Variants in ADGRL2 observed in about 807,000 individuals in gnomAD.
ADGRL2 encodes the protein adhesion G protein-coupled receptor L2.
In ADGRL2, 44 loss-of-function variants were observed where a neutral mutation model predicts 157.4. The observed-to-expected ratio is 0.28, with a 90% CI of 0.22 to 0.36. The LOEUF (loss-of-function observed/expected upper bound fraction) is 0.36. Among genes scored for constraint, ADGRL2 ranks in the 10% least tolerant of loss-of-function variants. The pLI, the probability that ADGRL2 is intolerant of heterozygous loss-of-function variation, is 1.00. For missense variants in ADGRL2, 1,510 were observed against 1,768.9 expected, an observed-to-expected ratio of 0.85 and a Z score of 2.63; for synonymous variants, 585 against 624.7, an observed-to-expected ratio of 0.94 and a Z score of 0.95.
chr1:81,599,773 G>A (rs1276769565), intron 3 of ADGRL2, among the ~76,000 whole-genome samples: 2 of 152,154 alleles, frequency 1.3e-5, no homozygotes, highest in African/African-American at 4.8e-5. Flanking sequence ...GGCTCATTAA[G>A]CTTAAGTGAT....
chr1:81,875,576 C>A (rs2093817466), intron 2 of ADGRL2, among the ~76,000 whole-genome samples: 2 of 152,088 alleles, frequency 1.3e-5, no homozygotes, highest in Non-Finnish European at 2.9e-5. Flanking sequence ...TGACCAGATT[C>A]TTGATGTACT....
intron 2 of ADGRL2, among the ~76,000 whole-genome samples, chr1:81,896,576 T>C (rs1346453390): frequency 6.6e-6 from 1 of 152,110 alleles, no homozygotes; most frequent in Non-Finnish European, 1.5e-5. Context: ...CTTTAATATA[T>C]ATATAAAAGT....
At chr1:81,658,403 T>C (rs1399283742) in intron 3 of ADGRL2, among the ~76,000 whole-genome samples, 2 of 152,176 alleles carry the variant, frequency 1.3e-5, no homozygotes, top group African/African-American at 2.4e-5. Flanking sequence ...CCACATTGTC[T>C]CTTTTTAAAA....
intron 2 of ADGRL2, among the ~76,000 whole-genome samples, chr1:81,507,306 T>C (rs770580859): frequency 1.3e-5 from 2 of 152,064 alleles, no homozygotes; most frequent in Non-Finnish European, 2.9e-5. Context: ...TTAATATTGA[T>C]AGAAAGTTCT....
intron 2 of ADGRL2, among the ~76,000 whole-genome samples, chr1:81,885,319 A>T (rs573078761): frequency 6.6e-6 from 1 of 152,274 alleles, no homozygotes; most frequent in East Asian, 1.9e-4. Context: ...CTATTTTCAG[A>T]GGAATTTAAA....
At chr1:81,627,944 C>A (rs1440606770) in intron 3 of ADGRL2, among the ~76,000 whole-genome samples, 1 of 152,198 alleles carries the variant, frequency 6.6e-6, no homozygotes, top group African/African-American at 2.4e-5. Context: ...GAATCACCAT[C>A]AGCGGTTTGT....
chr1:81,949,128 T>C (rs1345936196), intron 6 of ADGRL2, among the ~76,000 whole-genome samples: 1 of 152,196 alleles, frequency 6.6e-6, no homozygotes, highest in Non-Finnish European at 1.5e-5. Context: ...TTTCATTTGC[T>C]CTACTACAAC....
chr1:81,370,308 T>C (rs1570749988), intron 1 of ADGRL2, among the ~76,000 whole-genome samples: 1 of 152,206 alleles, frequency 6.6e-6, no homozygotes, highest in African/African-American at 2.4e-5. Flanking sequence ...TATAAAACTT[T>C]ATGAAATTCA....
intron 16 of ADGRL2, among the ~76,000 whole-genome samples, chr1:81,971,614 A>G (rs1658772524): frequency 6.6e-6 from 1 of 152,194 alleles, no homozygotes; most frequent in South Asian, 2.1e-4. Context: ...TCCCCATACA[A>G]GCACGATTTT....
Position 81,836,542 on chromosome 1 carries a change from A to G in ADGRL2, c.-100-343A>G, listed in dbSNP as rs116877858. 4.4e-4 allele frequency among the ~76,000 whole-genome samples: 67 copies of G among 152,232 alleles called. No individual in the cohort carries two copies. In the East Asian group the frequency reaches 0.012, roughly 28 times the overall value. ...AGTTTTTGTACACTCTGCAGTTTGG[A>G]GAACTGGATCCATAGGGGCTATGAA... On this transcript the variant is annotated intron_variant, in intron 1 of 23. Coordinates refer to ENST00000686636, the MANE Select transcript of ADGRL2 (RefSeq NM_001366006.2).
At chr1:81,501,590 G>A (rs1049902242) in intron 2 of ADGRL2, among the ~76,000 whole-genome samples, 4 of 152,206 alleles carry the variant, frequency 2.6e-5, no homozygotes, top group Non-Finnish European at 4.4e-5. Context: ...CTGAGGCCCC[G>A]GCTGTGGCCC....
At chr1:81,747,658 CAT>C (rs1304463593) in intron 1 of ADGRL2, among the ~76,000 whole-genome samples, 2 of 151,494 alleles carry the variant, frequency 1.3e-5, no homozygotes, top group East Asian at 3.9e-4. Flanking sequence ...ATGTATTCAA[CAT>C]AGTCCTTTAT....
Position 81,968,079 on chromosome 1 carries a change from T to C in ADGRL2, c.2403T>C (p.Thr801=). The C allele has an allele frequency of 6.2e-7, 1 of 1,613,976 alleles. No individual in the cohort carries two copies. Among genetic ancestry groups the C allele is most frequent in the Non-Finnish European group, 8.5e-7 (1 of 1,179,842 alleles). The part of the protein sequence containing the change: ...NCSFWNYSER[T]MMGYWSTQGC... ...CCTTCTGGAACTACTCAGAGAGAACTATGATGGGATATTGGTCTACCCAGG... is the reference window on the plus strand; with the variant it reads ...CCTTCTGGAACTACTCAGAGAGAACCATGATGGGATATTGGTCTACCCAGG... Residue 801 remains threonine, a synonymous_variant, in exon 14 of 24, where the codon ACT becomes ACC. Transcript: ENST00000686636.
At position 81,979,892 on chromosome 1, in the gene ADGRL2, C is replaced by T; in HGVS notation, c.3045C>T (p.Ile1015=). The change falls in exon 18 of 24, where the codon ATC becomes ATT. Residue 1015 remains isoleucine (I), a synonymous_variant. Coordinates refer to ENST00000686636, the MANE Select transcript of ADGRL2 (RefSeq NM_001366006.2). ...AGCTAAATATTATCTTCTTGGTGAT[C>T]ACATTGTGCAAAATGGTGAAGCATT... ...IILLNIIFLV[I]TLCKMVKHSN... The T allele has an allele frequency of 6.2e-7, 1 of 1,604,398 alleles. No individual in the cohort carries two copies. The highest frequency in any genetic ancestry group is 8.5e-7 in the Non-Finnish European group (1 of 1,172,514).
At chr1:81,648,872 G>C (rs960307128) in intron 3 of ADGRL2, among the ~76,000 whole-genome samples, 2 of 152,106 alleles carry the variant, frequency 1.3e-5, no homozygotes, top group Non-Finnish European at 1.5e-5. Flanking sequence ...GCACTCCCAG[G>C]GACTTTAACT....
chr1:81,614,847 TAA>T (rs112809079), intron 3 of ADGRL2, among the ~76,000 whole-genome samples: 145 of 145,356 alleles, frequency 1.0e-3, no homozygotes, highest in African/African-American at 2.4e-3. Context: ...CTCTACAAAT[TAA>T]AAAAAAAAAA....
At chr1:81,813,643 A>G (rs2090096285) in intron 1 of ADGRL2, among the ~76,000 whole-genome samples, 1 of 151,804 alleles carries the variant, frequency 6.6e-6, no homozygotes, top group South Asian at 2.1e-4. Context: ...GTTTTACAAA[A>G]GTATACAAAT....
At chr1:81,570,817 A>G (rs2080671659) in intron 2 of ADGRL2, among the ~76,000 whole-genome samples, 1 of 152,070 alleles carries the variant, frequency 6.6e-6, no homozygotes, top group African/African-American at 2.4e-5. Context: ...CTCTCACTCA[A>G]ATTACCATTT....
chr1:81,813,348 G>A (rs901265341), intron 1 of ADGRL2, among the ~76,000 whole-genome samples: 9 of 151,512 alleles, frequency 5.9e-5, no homozygotes, highest in Non-Finnish European at 8.9e-5. Context: ...AAAAAGCTTC[G>A]TTTCTTAATG....
Sources: gnomAD v4.1 joint callset for allele counts (sites outside exome capture counted in the v4.1 genomes callset) on GRCh38, gnomAD v4.1.1 for gene constraint, MANE v1.5 for transcripts, NCBI Gene and HGNC (gene_info 2026-07-23, HGNC 2026-07-21) for gene names.